The following ADGB variants were observed in gnomAD, a reference collection of about 807,000 sequenced individuals.
The protein encoded by ADGB is androglobin, also known as calpain-7-like protein.
A neutral mutation model predicts 210.5 loss-of-function variants in ADGB; 172 were observed. The observed-to-expected ratio is 0.82, with a 90% CI of 0.72 to 0.93. ADGB has a LOEUF of 0.93. Ranked by LOEUF, ADGB falls within the 40% of genes least tolerant of loss-of-function variation. The pLI, the probability that ADGB is intolerant of heterozygous loss-of-function variation, is 0.00. For missense variants in ADGB, 2,025 were observed against 1,964.8 expected (o/e 1.03, Z -0.58); for synonymous variants, 658 against 662.7 (o/e 0.99, Z 0.11).
intron 18 of ADGB, 78 bp from the exon 19 acceptor site, chr6:146,726,005 G>A: frequency 1.2e-6 from 1 of 809,820 alleles, no homozygotes; most frequent in Non-Finnish European, 2.0e-6. Context: ...GAGTTCCAAA[G>A]TGTGAATAAG....
intron 33 of ADGB, among the ~76,000 whole-genome samples, chr6:146,798,543 C>T (rs2114661782): frequency 1.3e-5 from 2 of 152,242 alleles, no homozygotes; most frequent in Middle Eastern, 3.4e-3. Flanking sequence ...TAACCACTTA[C>T]ATTCCACATT....
chr6:146,804,473 C>A (rs1778181469), intron 35 of ADGB, among the ~76,000 whole-genome samples: 1 of 152,036 alleles, frequency 6.6e-6, no homozygotes, highest in African/African-American at 2.4e-5. Flanking sequence ...CATCTCAGCG[C>A]AAATATGTCA....
intron 2 of ADGB, 101 bp from the exon 3 acceptor site, chr6:146,644,672 A>T (rs1405851557): frequency 1.5e-6 from 1 of 664,182 alleles, no homozygotes; most frequent in Non-Finnish European, 2.4e-6. Flanking sequence ...GTAAAGGCTT[A>T]TTGATTGACC....
intron 35 of ADGB, among the ~76,000 whole-genome samples, chr6:146,812,876 T>C (rs1329308299): frequency 6.6e-6 from 1 of 152,212 alleles, no homozygotes; most frequent in African/African-American, 2.4e-5. Context: ...GTCGGACAAA[T>C]GTGCAATGCT....
intron 2 of ADGB, among the ~76,000 whole-genome samples, chr6:146,636,626 G>T (rs1291308190): frequency 6.6e-6 from 1 of 151,758 alleles, no homozygotes; most frequent in Non-Finnish European, 1.5e-5. Context: ...GTGGGTGTGG[G>T]TGGGTGTGGG....
intron 35 of ADGB, among the ~76,000 whole-genome samples, chr6:146,812,013 A>G (rs943515878): frequency 1.3e-5 from 2 of 151,544 alleles, no homozygotes; most frequent in African/African-American, 4.9e-5. Context: ...AGCTTTTTCT[A>G]TTTCTGATTT....
intron 29 of ADGB, among the ~76,000 whole-genome samples, chr6:146,775,762 T>C (rs1170196981): frequency 6.6e-6 from 1 of 152,030 alleles, no homozygotes; most frequent in African/African-American, 2.4e-5. Context: ...ATGCATGGTG[T>C]AGCCAATTCA....
At chr6:146,805,383 G>A (rs1233474573) in intron 35 of ADGB, among the ~76,000 whole-genome samples, 1 of 152,182 alleles carries the variant, frequency 6.6e-6, no homozygotes, top group African/African-American at 2.4e-5. Flanking sequence ...GGTTCTTACA[G>A]CAGCCCCAGC....
chr6:146,678,034 C>T (rs1019258127), intron 9 of ADGB, among the ~76,000 whole-genome samples: 4 of 152,064 alleles, frequency 2.6e-5, no homozygotes, highest in Non-Finnish European at 5.9e-5. Flanking sequence ...ATGAGGGTGG[C>T]CATGTGAACT....
At chr6:146,790,652 C>T (rs1020968882) in intron 33 of ADGB, among the ~76,000 whole-genome samples, 2 of 152,208 alleles carry the variant, frequency 1.3e-5, no homozygotes, top group African/African-American at 2.4e-5. Flanking sequence ...AATGCACATA[C>T]AAGTACAGAC....
chr6:146,731,888 C>G (rs1372522828), intron 20 of ADGB, among the ~76,000 whole-genome samples: 3 of 152,094 alleles, frequency 2.0e-5, no homozygotes, highest in Non-Finnish European at 1.5e-5. Flanking sequence ...ACGGAGTCTG[C>G]AAATGGGTCA....
chr6:146,642,675 C>A (rs957956872), intron 2 of ADGB, among the ~76,000 whole-genome samples: 10 of 151,834 alleles, frequency 6.6e-5, no homozygotes, highest in African/African-American at 2.4e-4. Flanking sequence ...AACCAAATAC[C>A]ACACATTCTC....
chr6:146,681,967 C>G (rs1776163862), intron 9 of ADGB, among the ~76,000 whole-genome samples: 1 of 152,046 alleles, frequency 6.6e-6, no homozygotes, highest in Non-Finnish European at 1.5e-5. Context: ...CTGAAAAATA[C>G]TGTTAAAAAT....
At chr6:146,676,636 A>G (rs569031118) in intron 9 of ADGB, among the ~76,000 whole-genome samples, 195 bp downstream of exon 9, 40 of 152,288 alleles carry the variant, frequency 2.6e-4, no homozygotes, top group African/African-American at 9.4e-4. Flanking sequence ...CTGTTGTCCA[A>G]ATTACAGTGC....
intron 5 of ADGB, among the ~76,000 whole-genome samples, chr6:146,663,855 AT>A (rs1775901403): frequency 6.6e-6 from 1 of 152,118 alleles, no homozygotes; most frequent in African/African-American, 2.4e-5. Flanking sequence ...TTATTTGATT[AT>A]GTCCAAGCTT....
chr6:146,769,178 TTGA>T lies in ADGB; in HGVS notation c.3862+49_3862+51del, dbSNP rs1462171577. On this transcript the variant is annotated intron_variant, in intron 29 of 35. Coordinates refer to ENST00000397944, the MANE Select transcript of ADGB (RefSeq NM_024694.4). Reference sequence around the variant, plus strand: ...AACATGCACTTTACATTTGAATAAGTTGATATTTAAATATTTAATAATAAATTG... The same window carrying T: ...AACATGCACTTTACATTTGAATAAGTTATTTAAATATTTAATAATAAATTG... The T allele has an allele frequency of 4.4e-6, 4 of 899,508 alleles. No homozygotes were observed. The East Asian group carries it at 8.1e-5, about 18-fold the overall frequency. 55.7% of individuals were successfully genotyped at this position (899,508 alleles called of 1,614,324 possible).
chr6:146,695,017 C>T (rs1776383994), intron 12 of ADGB, among the ~76,000 whole-genome samples: 1 of 152,102 alleles, frequency 6.6e-6, no homozygotes, highest in Non-Finnish European at 1.5e-5. Flanking sequence ...TAATGTCTTT[C>T]CTTCTTAAGT....
Position 146,660,175 on chromosome 6 carries a change from C to A in ADGB, c.612+3195C>A, listed in dbSNP as rs151072943. The stretch of plus-strand genomic sequence containing the variant: ...GAATTTCCAGGGTAGAGCCTGCAAT[C>A]CTGCATTATAAGAAAACTCTCTCAT... On this transcript the variant is annotated intron_variant, in intron 5 of 35. Transcript: ENST00000397944. Among the ~76,000 whole-genome samples the A allele has an allele frequency of 1.2e-4, 18 of 152,210 alleles. No individual in the cohort carries two copies. The East Asian group carries it at 3.5e-3, about 29-fold the overall frequency.
At chr6:146,680,658 G>A (rs754180080) in intron 9 of ADGB, among the ~76,000 whole-genome samples, 3 of 152,150 alleles carry the variant, frequency 2.0e-5, no homozygotes, top group Non-Finnish European at 2.9e-5. Context: ...CAGTGAACCT[G>A]AGTCTCTAAA....
Sources: allele counts gnomAD v4.1 joint callset (sites outside exome capture counted in the v4.1 genomes callset), GRCh38; gene constraint gnomAD v4.1.1; transcripts MANE v1.5; gene names NCBI Gene and HGNC (gene_info 2026-07-23, HGNC 2026-07-21).